The following UNC80 variants were observed in gnomAD, a reference collection of about 807,000 sequenced individuals.
UNC80 encodes unc-80 subunit of NALCN channel complex, also known as protein unc-80 homolog.
Under a neutral mutation model 384.6 loss-of-function variants are expected in UNC80, and 164 were observed. That is an observed-to-expected ratio of 0.43 (90% CI 0.38 to 0.49). The LOEUF is 0.49. Among genes scored for constraint, UNC80 ranks in the 20% least tolerant of loss-of-function variants. UNC80 has a pLI of 0.00. For synonymous variants in UNC80, 1,486 were observed against 1,527.8 expected (o/e 0.97, Z 0.64); for missense variants, 3,330 against 4,143.0 (o/e 0.80, Z 5.39).
At chr2:209,844,800 G>A (rs901974372) in intron 21 of UNC80, among the ~76,000 whole-genome samples, 3 of 151,518 alleles carry the variant, frequency 2.0e-5, no homozygotes, top group Non-Finnish European at 4.4e-5. Context: ...GGGGGATCTT[G>A]CTATGTTGCC....
intron 7 of UNC80, chr2:209,795,024 G>A (rs1195240658): frequency 4.0e-6 from 1 of 251,178 alleles, no homozygotes; most frequent in East Asian, 1.3e-4. Flanking sequence ...AGTTTGAAGA[G>A]CTCAGAAGAA....
chr2:209,901,061 T>A (rs1394043633), intron 28 of UNC80, among the ~76,000 whole-genome samples: 2 of 152,240 alleles, frequency 1.3e-5, no homozygotes, highest in Non-Finnish European at 2.9e-5. Context: ...CAAGTACTGA[T>A]GTAGAAGTTG....
At chr2:209,841,928 AT>A (rs1441620975) in intron 20 of UNC80, among the ~76,000 whole-genome samples, 2 of 152,242 alleles carry the variant, frequency 1.3e-5, no homozygotes, top group Non-Finnish European at 2.9e-5. Flanking sequence ...AGTACACTCT[AT>A]AAATTACCTT....
chr2:209,962,402 A>G (rs545200711), intron 51 of UNC80, among the ~76,000 whole-genome samples: 10 of 152,114 alleles, frequency 6.6e-5, no homozygotes, highest in Non-Finnish European at 1.0e-4. Context: ...CTGAGCTTCA[A>G]CAGTCTCCTG....
At chr2:209,923,140 G>A (rs886778589) in intron 35 of UNC80, among the ~76,000 whole-genome samples, 2 of 152,136 alleles carry the variant, frequency 1.3e-5, no homozygotes, top group African/African-American at 4.8e-5. Flanking sequence ...GCTGAGAAGC[G>A]AGTGTCTTTT....
At chr2:209,780,304 A>G (rs1482847628) in intron 4 of UNC80, among the ~76,000 whole-genome samples, 3 of 148,012 alleles carry the variant, frequency 2.0e-5, no homozygotes, top group Non-Finnish European at 2.9e-5. Flanking sequence ...ATAAACAATT[A>G]TAGTTAGTGG....
chr2:209,924,726 A>G (rs780273737), intron 35 of UNC80, among the ~76,000 whole-genome samples: 18 of 151,076 alleles, frequency 1.2e-4, no homozygotes, highest in Non-Finnish European at 2.5e-4. Context: ...GCTTCTCCCA[A>G]CTCATATGAG....
intron 47 of UNC80, among the ~76,000 whole-genome samples, chr2:209,952,987 G>T (rs1575125212): frequency 6.6e-6 from 1 of 152,150 alleles, no homozygotes; most frequent in East Asian, 1.9e-4. Context: ...AAAGAGCATA[G>T]CAAAAACTCA....
chr2:209,885,506 C>G (rs1298081113), intron 25 of UNC80, among the ~76,000 whole-genome samples: 1 of 152,046 alleles, frequency 6.6e-6, no homozygotes, highest in African/African-American at 2.4e-5. Flanking sequence ...TGCTTCTTAT[C>G]CCAACTAAGA....
intron 7 of UNC80, among the ~76,000 whole-genome samples, chr2:209,807,458 G>A (rs955412966): frequency 6.6e-6 from 1 of 150,794 alleles, no homozygotes; most frequent in Non-Finnish European, 1.5e-5. Context: ...TCTGCCTCCT[G>A]GGTTCACGCC....
intron 21 of UNC80, among the ~76,000 whole-genome samples, chr2:209,843,574 A>G (rs1203250287): frequency 6.6e-6 from 1 of 152,000 alleles, no homozygotes; most frequent in African/African-American, 2.4e-5. Flanking sequence ...TAAAATATAA[A>G]TAAATAAGCA....
intron 47 of UNC80, among the ~76,000 whole-genome samples, chr2:209,953,647 T>A (rs1046807932): frequency 1.3e-5 from 2 of 151,982 alleles, no homozygotes; most frequent in Admixed American, 6.5e-5. Flanking sequence ...TTTCCAACAT[T>A]TGTTGCTATT....
intron 15 of UNC80, among the ~76,000 whole-genome samples, chr2:209,829,836 A>C (rs1183831690): frequency 6.6e-6 from 1 of 152,250 alleles, no homozygotes; most frequent in Non-Finnish European, 1.5e-5. Flanking sequence ...TTACGATTGC[A>C]GTAAACATAG....
chr2:209,836,105 T>A (rs200690725), intron 18 of UNC80, among the ~76,000 whole-genome samples: 4 of 96,410 alleles, frequency 4.1e-5, no homozygotes, highest in Non-Finnish European at 6.8e-5. Context: ...GAATGAATGA[T>A]TCAATCAATC....
intron 26 of UNC80, 58 bp downstream of exon 26, chr2:209,888,318 T>G (rs892885613): frequency 2.9e-5 from 45 of 1,528,468 alleles, no homozygotes; most frequent in South Asian, 2.5e-4. Context: ...CATAGGATAT[T>G]TGCACTAGGG....
At chr2:209,958,615 A>G (rs1203319662) in intron 49 of UNC80, among the ~76,000 whole-genome samples, 2 of 152,194 alleles carry the variant, frequency 1.3e-5, no homozygotes, top group African/African-American at 4.8e-5. Context: ...ATGATATACT[A>G]TAGCTTAAGT....
At chr2:209,880,817 T>C (rs2085223706) in intron 24 of UNC80, 144 bp from the exon 25 acceptor site, 3 of 731,218 alleles carry the variant, frequency 4.1e-6, no homozygotes, top group Non-Finnish European at 6.7e-6. Flanking sequence ...GAAGTCCTCA[T>C]ATGTAATTGG....
chr2:209,798,586 A>T (rs1202713794), intron 7 of UNC80, among the ~76,000 whole-genome samples: 2 of 152,156 alleles, frequency 1.3e-5, no homozygotes, highest in African/African-American at 4.8e-5. Flanking sequence ...GTTTGAAGTC[A>T]GATAGTGTGA....
chr2:209,810,777 T>G (rs1262369953), intron 7 of UNC80, among the ~76,000 whole-genome samples: 1 of 152,172 alleles, frequency 6.6e-6, no homozygotes, highest in African/African-American at 2.4e-5. Context: ...GAACTAATAA[T>G]AACTGTCTTA....
Sources: gnomAD v4.1 joint callset for allele counts (sites outside exome capture counted in the v4.1 genomes callset) on GRCh38, gnomAD v4.1.1 for gene constraint, MANE v1.5 for transcripts, NCBI Gene and HGNC (gene_info 2026-07-23, HGNC 2026-07-21) for gene names.